SLCO3A1: variants seen among roughly 807,000 people sequenced by gnomAD.
SLCO3A1 encodes the protein PGE1 transporter.
Under a neutral mutation model 63.1 loss-of-function variants are expected in SLCO3A1, and 27 were observed. That is an observed-to-expected ratio of 0.43 (90% CI 0.32 to 0.59). SLCO3A1 has a LOEUF of 0.59. SLCO3A1 is among the 20% of genes least tolerant of loss of function. The pLI, the probability that SLCO3A1 is intolerant of heterozygous loss-of-function variation, is 0.09. For missense variants in SLCO3A1, 773 were observed against 945.8 expected, an observed-to-expected ratio of 0.82 and a Z score of 2.40; for synonymous variants, 473 against 409.9, an observed-to-expected ratio of 1.15 and a Z score of -1.86.
intron 7 of SLCO3A1, among the ~76,000 whole-genome samples, chr15:92,142,122 T>A (rs1038524716): frequency 6.6e-6 from 1 of 152,212 alleles, no homozygotes; most frequent in African/African-American, 2.4e-5. Context: ...TTAGGAGAGA[T>A]CCATCCATTT....
intron 2 of SLCO3A1, among the ~76,000 whole-genome samples, chr15:92,023,632 G>A (rs924371590): frequency 1.3e-5 from 2 of 151,930 alleles, no homozygotes; most frequent in Non-Finnish European, 2.9e-5. Context: ...CCACACCCAG[G>A]AAATTTTTGT....
Position 92,096,091 on chromosome 15 carries a change from C to T in SLCO3A1, c.745+1112C>T, listed in dbSNP as rs566319101. ...GAGCAGCTTCACTGGGCAGTTCTAG[C>T]TCAGGGTCTCTTATGAGGCTGCAGT... On this transcript the variant is annotated intron_variant, in intron 3 of 9. Transcript: ENST00000318445. 7.9e-5 allele frequency among the ~76,000 whole-genome samples: 12 copies of T among 152,296 alleles called. 1 individual carries two copies. In the South Asian group the frequency reaches 2.3e-3, roughly 29 times the overall value.
At chr15:91,893,744 A>G (rs567939474) in intron 1 of SLCO3A1, among the ~76,000 whole-genome samples, 1 of 152,302 alleles carries the variant, frequency 6.6e-6, no homozygotes, top group African/African-American at 2.4e-5. Context: ...CAGAGTTAGA[A>G]CTTTTAGGCC....
At chr15:91,944,263 G>A (rs1355518086) in intron 2 of SLCO3A1, among the ~76,000 whole-genome samples, 4 of 152,074 alleles carry the variant, frequency 2.6e-5, no homozygotes, top group African/African-American at 9.7e-5. Context: ...CTCCTAAGAT[G>A]TAAGCTGCCT....
chr15:92,018,050 C>T (rs560535024), intron 2 of SLCO3A1, among the ~76,000 whole-genome samples: 3 of 152,202 alleles, frequency 2.0e-5, no homozygotes, highest in Non-Finnish European at 2.9e-5. Flanking sequence ...AGAGATGGAA[C>T]GCAGAAGGTG....
intron 1 of SLCO3A1, among the ~76,000 whole-genome samples, chr15:91,892,291 A>T (rs1897890317): frequency 6.6e-6 from 1 of 152,176 alleles, no homozygotes; most frequent in African/African-American, 2.4e-5. Context: ...TACCTTCCTC[A>T]TTCATGGGAT....
chr15:92,028,180 C>T (rs538323909), intron 2 of SLCO3A1, among the ~76,000 whole-genome samples: 11 of 152,212 alleles, frequency 7.2e-5, no homozygotes, highest in African/African-American at 1.9e-4. Flanking sequence ...GGAGGCTGGT[C>T]GGTCGTATGT....
chr15:91,969,541 A>G (rs1046066474), intron 2 of SLCO3A1, among the ~76,000 whole-genome samples: 2 of 152,176 alleles, frequency 1.3e-5, no homozygotes, highest in African/African-American at 4.8e-5. Context: ...TCCTCACCTC[A>G]GGTGGTCCAC....
At chr15:91,955,517 G>C (rs1345132168) in intron 2 of SLCO3A1, among the ~76,000 whole-genome samples, 1 of 152,118 alleles carries the variant, frequency 6.6e-6, no homozygotes, top group South Asian at 2.1e-4. Context: ...ATTTTTGGTA[G>C]AGATGGGGTT....
chr15:91,965,361 CA>C (rs56764583), intron 2 of SLCO3A1, among the ~76,000 whole-genome samples: 1 of 152,176 alleles, frequency 6.6e-6, no homozygotes, highest in African/African-American at 2.4e-5. Context: ...AGATCCTGCT[CA>C]AATCCCTGGA....
intron 2 of SLCO3A1, among the ~76,000 whole-genome samples, chr15:91,985,307 T>C (rs138802523): frequency 5.9e-5 from 9 of 152,358 alleles, no homozygotes; most frequent in Admixed American, 3.9e-4. Context: ...TAGTTGTAGT[T>C]TATTCTGTTT....
chr15:92,013,635 A>G (rs982946619), intron 2 of SLCO3A1, among the ~76,000 whole-genome samples: 5 of 152,262 alleles, frequency 3.3e-5, no homozygotes, highest in Non-Finnish European at 7.3e-5. Flanking sequence ...TCAGTGATAC[A>G]GAAAATGTCA....
At chr15:91,973,969 T>C (rs989716883) in intron 2 of SLCO3A1, among the ~76,000 whole-genome samples, 2 of 152,208 alleles carry the variant, frequency 1.3e-5, no homozygotes, top group African/African-American at 4.8e-5. Flanking sequence ...TTCTACATTT[T>C]CTATATTCAG....
rs911877624 is a variant in SLCO3A1 at position 92,138,412 on chromosome 15, G to C, written c.1513-8572G>C. 1.8e-5 allele frequency among the ~76,000 whole-genome samples: 2 copies of C among 109,034 alleles called. 1 individual carries two copies. Among genetic ancestry groups the C allele is most frequent in the Non-Finnish European group, 3.4e-5 (2 of 58,024 alleles). 71.5% of individuals were successfully genotyped at this position (109,034 alleles called of 152,430 possible). A position where few individuals can be genotyped will look rare whatever the true frequency, so the allele number is the denominator to read the frequency against. On this transcript the variant is annotated intron_variant, in intron 7 of 9. Coordinates refer to ENST00000318445, the MANE Select transcript of SLCO3A1 (RefSeq NM_013272.4). ...ATAGTTTGAAGTCAGGTAGTGTGAT[G>C]CCTCCAGCTTTGTTCTTTTGGCTTA...
chr15:92,068,515 A>G (rs1045042757), intron 2 of SLCO3A1, among the ~76,000 whole-genome samples: 4 of 152,206 alleles, frequency 2.6e-5, no homozygotes, highest in African/African-American at 9.6e-5. Context: ...AACCTGGTTC[A>G]AATAATTATC....
At chr15:92,067,577 T>A (rs1369171378) in intron 2 of SLCO3A1, among the ~76,000 whole-genome samples, 7 of 152,232 alleles carry the variant, frequency 4.6e-5, no homozygotes, top group Non-Finnish European at 1.0e-4. Flanking sequence ...GCCATTAACC[T>A]GGTGTCAAGT....
At chr15:92,058,450 A>G (rs769037487) in intron 2 of SLCO3A1, among the ~76,000 whole-genome samples, 11 of 152,078 alleles carry the variant, frequency 7.2e-5, no homozygotes, top group Non-Finnish European at 1.2e-4. Context: ...TTTTAAGGGA[A>G]TGGCCTTCAG....
rs778485345 is a variant in SLCO3A1 at position 92,094,961 on chromosome 15, G to A, written c.727G>A (p.Ala243Thr). 1.2e-6 allele frequency: 2 copies of A among 1,610,630 alleles called. No individual in the cohort carries two copies. The highest frequency in any genetic ancestry group is 1.7e-6 in the Non-Finnish European group (2 of 1,176,822). ...GSFCTKIYVD[A>T]VFIDTSNLDI... ...TTTCTGTACCAAAATCTACGTGGAT[G>A]CGGTCTTCATTGACACAAGTAAGGA... Residue 243 changes from alanine to threonine, a missense_variant, in exon 3 of 10, where the codon GCG (alanine) becomes ACG (threonine). By Grantham distance (58) the Ala-to-Thr change is moderately conservative. This residue lies in a region of SLCO3A1 where 565 missense variants were observed against 749.8 expected (regional missense o/e 0.75). Transcript: ENST00000318445.
intron 1 of SLCO3A1, among the ~76,000 whole-genome samples, chr15:91,867,269 A>G (rs1158932125): frequency 6.6e-6 from 1 of 152,222 alleles, no homozygotes; most frequent in Non-Finnish European, 1.5e-5. Flanking sequence ...GCTCAGACTC[A>G]GCTAGAAGCA....
Sources: gnomAD v4.1 joint callset for allele counts (sites outside exome capture counted in the v4.1 genomes callset) on GRCh38, gnomAD v4.1.1 for gene constraint, gnomAD v4.1.1 regional missense constraint, MANE v1.5 for transcripts, NCBI Gene and HGNC (gene_info 2026-07-23, HGNC 2026-07-21) for gene names.